LINGO2: variants seen among roughly 807,000 people sequenced by gnomAD.
LINGO2 encodes the protein leucine-rich repeat and immunoglobulin-like domain-containing nogo receptor-interacting protein 2.
A neutral mutation model predicts 30.6 loss-of-function variants in LINGO2; 14 were observed. The observed-to-expected ratio is 0.46, with a 90% CI of 0.30 to 0.72. The LOEUF (loss-of-function observed/expected upper bound fraction) is 0.72. LINGO2 is among the 30% of genes least tolerant of loss of function. The pLI, the probability that LINGO2 is intolerant of heterozygous loss-of-function variation, is 0.07. For missense variants in LINGO2, 729 were observed against 751.7 expected (o/e 0.97, Z 0.35); for synonymous variants, 317 against 288.5 (o/e 1.10, Z -1.00).
chr9:28,822,763 T>C, the LINGO2 span, among the ~76,000 whole-genome samples: 1 of 152,092 alleles, frequency 6.6e-6, no homozygotes. Context: ...GACCTTGAGG[T>C]TATGTGAATG....
the LINGO2 span, among the ~76,000 whole-genome samples, chr9:28,886,330 T>A: frequency 6.6e-6 from 1 of 152,082 alleles, no homozygotes; most frequent in Non-Finnish European, 1.5e-5. Context: ...AATGGTACTA[T>A]GAAAAAAATT....
chr9:29,050,330 G>A, the LINGO2 span, among the ~76,000 whole-genome samples: 52 of 152,086 alleles, frequency 3.4e-4, no homozygotes, highest in Non-Finnish European at 6.0e-4. Context: ...AGCCTTATGC[G>A]CTTATTTCAC....
intron 1 of LINGO2, among the ~76,000 whole-genome samples, chr9:28,615,899 G>A (rs1187137661): frequency 6.6e-6 from 1 of 152,080 alleles, no homozygotes; most frequent in Non-Finnish European, 1.5e-5. Flanking sequence ...AGTAAAAAAA[G>A]CAGGCAGAAA....
the LINGO2 span, among the ~76,000 whole-genome samples, chr9:29,094,580 A>T: frequency 4.3e-5 from 6 of 138,886 alleles, no homozygotes; most frequent in Non-Finnish European, 9.4e-5. Flanking sequence ...AGTAGGTACC[A>T]GCTACATGTA....
chr9:28,049,459 G>T (rs998636289), intron 4 of LINGO2, among the ~76,000 whole-genome samples: 1 of 150,408 alleles, frequency 6.6e-6, no homozygotes, highest in African/African-American at 2.5e-5. Context: ...AGGCAAAAAG[G>T]ATAAGTGGCT....
intron 4 of LINGO2, among the ~76,000 whole-genome samples, chr9:28,141,054 C>T (rs983507889): frequency 6.6e-6 from 1 of 151,984 alleles, no homozygotes; most frequent in Non-Finnish European, 1.5e-5. Context: ...TTCAAATTAA[C>T]ATTTGGTTGA....
At chr9:28,898,215 C>T in the LINGO2 span, among the ~76,000 whole-genome samples, 10 of 152,078 alleles carry the variant, frequency 6.6e-5, no homozygotes, top group East Asian at 7.7e-4. Flanking sequence ...ATTCATCAAA[C>T]GTGATTGATA....
At chr9:28,317,545 T>C (rs978815167) in intron 3 of LINGO2, among the ~76,000 whole-genome samples, 4 of 152,062 alleles carry the variant, frequency 2.6e-5, no homozygotes, top group African/African-American at 9.7e-5. Flanking sequence ...GTGAAATAAG[T>C]TTGGTAGAGG....
chr9:28,618,883 A>AC (rs1433887164), intron 1 of LINGO2, among the ~76,000 whole-genome samples: 5 of 152,030 alleles, frequency 3.3e-5, no homozygotes, highest in Non-Finnish European at 7.4e-5. Flanking sequence ...ACTTAAAGGA[A>AC]AAAAAATTTG....
intron 1 of LINGO2, among the ~76,000 whole-genome samples, chr9:28,512,490 T>C (rs1227871625): frequency 1.3e-5 from 2 of 150,636 alleles, no homozygotes; most frequent in Non-Finnish European, 2.9e-5. Flanking sequence ...GCTAAGAGCC[T>C]GAACCTGTTG....
the LINGO2 span, among the ~76,000 whole-genome samples, chr9:28,873,201 T>A: frequency 1.3e-5 from 2 of 151,768 alleles, no homozygotes; most frequent in African/African-American, 4.8e-5. Flanking sequence ...AAACCTCGTC[T>A]CTACTAAAAA....
At chr9:28,406,139 G>A (rs767430547) in intron 2 of LINGO2, among the ~76,000 whole-genome samples, 47 of 151,928 alleles carry the variant, frequency 3.1e-4, no homozygotes, top group African/African-American at 8.2e-4. Flanking sequence ...ACTTACATTC[G>A]AGATTTCTGG....
chr9:28,271,280 C>T (rs1315913239), intron 4 of LINGO2, among the ~76,000 whole-genome samples: 1 of 151,884 alleles, frequency 6.6e-6, no homozygotes, highest in South Asian at 2.1e-4. Context: ...TACATATATT[C>T]ACTTATAAAT....
At chr9:28,589,208 A>C (rs1824736169) in intron 1 of LINGO2, among the ~76,000 whole-genome samples, 1 of 152,240 alleles carries the variant, frequency 6.6e-6, no homozygotes, top group South Asian at 2.1e-4. Flanking sequence ...TGAATGGACA[A>C]AAACTGGAAG....
intron 4 of LINGO2, among the ~76,000 whole-genome samples, chr9:28,261,920 T>C (rs1822577576): frequency 6.6e-6 from 1 of 151,998 alleles, no homozygotes. Context: ...ACCATCTTGC[T>C]GGTGACTAAG....
intron 4 of LINGO2, among the ~76,000 whole-genome samples, chr9:28,195,653 A>C (rs192254784): frequency 0.015 from 2,213 of 151,642 alleles, 33 homozygotes; most frequent in South Asian, 0.037. Flanking sequence ...AGAACAGATA[A>C]ATTATAGCCA....
chr9:28,884,364 C>A, the LINGO2 span, among the ~76,000 whole-genome samples: 991 of 152,142 alleles, frequency 6.5e-3, 7 homozygotes, highest in African/African-American at 0.023. Context: ...ATTTGATCAG[C>A]AAACAGTTCT....
chr9:28,107,933 C>T (rs1032490033), intron 4 of LINGO2, among the ~76,000 whole-genome samples: 1 of 152,052 alleles, frequency 6.6e-6, no homozygotes, highest in East Asian at 1.9e-4. Context: ...TTTTAGAGAC[C>T]CACTTCACTT....
chr9:28,136,390 A>C (rs1334289755), intron 4 of LINGO2, among the ~76,000 whole-genome samples: 1 of 152,206 alleles, frequency 6.6e-6, no homozygotes, highest in Non-Finnish European at 1.5e-5. Context: ...CAGGGTCTTC[A>C]GTTGTCATCT....
Sources: gnomAD v4.1 joint callset for allele counts (sites outside exome capture counted in the v4.1 genomes callset) on GRCh38, gnomAD v4.1.1 for gene constraint, MANE v1.5 for transcripts, NCBI Gene and HGNC (gene_info 2026-07-23, HGNC 2026-07-21) for gene names.